EPAS1: variants seen among roughly 807,000 people sequenced by gnomAD.
EPAS1 encodes the protein endothelial PAS domain protein 1, also known as endothelial PAS domain-containing protein 1.
EPAS1 carries 23 observed loss-of-function variants against 87.9 expected under a neutral mutation model. That is an observed-to-expected ratio of 0.26 (90% CI 0.19 to 0.37). The LOEUF is 0.37. EPAS1 is among the 10% of genes least tolerant of loss of function. EPAS1 has a pLI of 1.00. For synonymous variants in EPAS1, 508 were observed against 444.3 expected (o/e 1.14, Z -1.80); for missense variants, 1,138 against 1,120.7 (o/e 1.02, Z -0.22).
chr2:46,356,050 C>G (rs1684262902), intron 2 of EPAS1, 101 bp from the exon 3 acceptor site: 2 of 1,332,024 alleles, frequency 1.5e-6, no homozygotes, highest in East Asian at 2.3e-5. Flanking sequence ...AAAAGTCCAC[C>G]CAATGCCTTT....
chr2:46,317,879 G>A (rs1253221236), intron 1 of EPAS1, among the ~76,000 whole-genome samples: 1 of 152,122 alleles, frequency 6.6e-6, no homozygotes, highest in African/African-American at 2.4e-5. Flanking sequence ...TAAATGTGAC[G>A]AACCAACCTC....
At chr2:46,349,989 CTG>C (rs1684116845) in intron 2 of EPAS1, among the ~76,000 whole-genome samples, 2 of 152,188 alleles carry the variant, frequency 1.3e-5, no homozygotes, top group African/African-American at 4.8e-5. Context: ...GGTGCTTACC[CTG>C]CAATGTTATT....
intron 1 of EPAS1, among the ~76,000 whole-genome samples, chr2:46,337,484 C>G (rs556433069): frequency 1.3e-5 from 2 of 152,340 alleles, no homozygotes; most frequent in South Asian, 2.1e-4. Flanking sequence ...CTGCTCCCCA[C>G]TTGCCCCACG....
chr2:46,318,325 T>C (rs1381885639), intron 1 of EPAS1, among the ~76,000 whole-genome samples: 1 of 152,134 alleles, frequency 6.6e-6, no homozygotes, highest in Non-Finnish European at 1.5e-5. Context: ...ACATCAAAGA[T>C]CACTGATCGC....
In EPAS1 at chr2:46,382,616, C is replaced by G; in HGVS notation, c.2461+18C>G. The G allele has an allele frequency of 6.2e-7, 1 of 1,613,940 alleles. No individual in the cohort carries two copies. On this transcript the variant is annotated intron_variant, in intron 15 of 15. Transcript: ENST00000263734. The stretch of plus-strand genomic sequence containing the variant: ...GGTGTCAGGTGGGTGTGCCCAGGAT[C>G]TGTCACCCCCATCCCAGGATTCGAT...
intron 15 of EPAS1, among the ~76,000 whole-genome samples, chr2:46,384,006 C>A (rs1408363689): frequency 6.6e-6 from 1 of 151,824 alleles, no homozygotes; most frequent in African/African-American, 2.4e-5. Context: ...CTGCGAGTGT[C>A]CCCCCTGCCA....
At position 46,379,972 on chromosome 2, in the gene EPAS1, G is replaced by A. The variant is rs191336027; in HGVS notation, c.1555-255G>A. The A allele has an allele frequency of 3.1e-3, 1,820 of 591,180 alleles. 4 individuals carry two copies. Among genetic ancestry groups the A allele is most frequent in the Non-Finnish European group, 4.1e-3 (1,359 of 329,514 alleles). The allele number at this position is 591,180 out of a possible 1,614,324, so 36.6% of individuals were successfully genotyped here. A position where few individuals can be genotyped will look rare whatever the true frequency, so the allele number is the denominator to read the frequency against. ...GGGCTCCGGACAGGTGGGATGGGGA[G>A]AGGAGAACATTTCTCAATGTGCAGG... On this transcript the variant is annotated intron_variant, in intron 11 of 15. Transcript: ENST00000263734.
At chr2:46,373,183 T>A (rs1427459015) in intron 7 of EPAS1, among the ~76,000 whole-genome samples, 1 of 152,194 alleles carries the variant, frequency 6.6e-6, no homozygotes, top group Non-Finnish European at 1.5e-5. Flanking sequence ...GGGTTTTGTT[T>A]AAAAGATTAG....
chr2:46,376,877 T>C (rs756674019), intron 9 of EPAS1, 124 bp downstream of exon 9: 28 of 989,992 alleles, frequency 2.8e-5, no homozygotes, highest in Non-Finnish European at 3.8e-5. Flanking sequence ...CCCCCAAGTC[T>C]TGTTAATCAC....
intron 1 of EPAS1, among the ~76,000 whole-genome samples, chr2:46,333,465 G>T (rs1558591187): frequency 7.3e-6 from 1 of 136,544 alleles, no homozygotes; most frequent in South Asian, 2.4e-4. Flanking sequence ...GCTCAGAAAA[G>T]CCTCTGTGGA....
At chr2:46,302,118 C>CTGTGTGTG (rs35880089) in intron 1 of EPAS1, among the ~76,000 whole-genome samples, 30 of 127,636 alleles carry the variant, frequency 2.4e-4, no homozygotes, top group Middle Eastern at 3.7e-3. Flanking sequence ...CTCTTTCTCT[C>CTGTGTGTG]TGTGTGTGTG....
In EPAS1 at chr2:46,360,547, A is replaced by T; in HGVS notation, c.455-91A>T. 1 of 1,105,076 alleles carries T rather than the reference A, an allele frequency of 9.0e-7. No homozygotes were observed. The highest frequency in any genetic ancestry group is 1.4e-6 in the Non-Finnish European group (1 of 716,716). 68.5% of individuals were successfully genotyped at this position (1,105,076 alleles called of 1,614,324 possible). A position where few individuals can be genotyped will look rare whatever the true frequency, so the allele number is the denominator to read the frequency against. On this transcript the variant is annotated intron_variant, in intron 4 of 15. Coordinates refer to ENST00000263734, the MANE Select transcript of EPAS1 (RefSeq NM_001430.5). The surrounding 1 kb of genome is among the most constrained non-coding windows in gnomAD (Gnocchi z 4.5). ...CAGATATTTGGAAAATATAAACAAT[A>T]GGCTGCCAAGAAAAACTGCAGCTGG... is the stretch of plus-strand genomic sequence containing the variant.
chr2:46,342,103 A>G lies in EPAS1; in HGVS notation c.27-4770A>G, dbSNP rs116422258. On this transcript the variant is annotated intron_variant, in intron 1 of 15. Transcript: ENST00000263734. ...ACTCCCATTGCCCAGCCTGCACCTG[A>G]GACCTATTAAATCTGAATCTCTGGG... Among the ~76,000 whole-genome samples, 677 of 152,248 alleles carry G rather than the reference A, an allele frequency of 4.4e-3. 4 individuals are homozygous for G. Among genetic ancestry groups the G allele is most frequent in the African/African-American group, 0.016 (654 of 41,532 alleles).
At chr2:46,377,747 G>T in intron 9 of EPAS1, 147 bp from the exon 10 acceptor site, 3 of 1,322,888 alleles carry the variant, frequency 2.3e-6, no homozygotes, top group Non-Finnish European at 3.2e-6. Context: ...ATGTGTTCCA[G>T]CTGAGCCCCA....
chr2:46,336,058 G>A (rs555970071), intron 1 of EPAS1, among the ~76,000 whole-genome samples: 11 of 152,314 alleles, frequency 7.2e-5, no homozygotes, highest in South Asian at 2.1e-4. Context: ...TGCAGAGAGC[G>A]AAATAAAATC....
intron 11 of EPAS1, chr2:46,379,925 C>T (rs560182998): frequency 4.4e-5 from 21 of 480,980 alleles, no homozygotes; most frequent in Admixed American, 3.9e-4. Flanking sequence ...AGAGGGGCTG[C>T]CTCGGCTTCA....
chr2:46,336,935 A>G (rs963697388), intron 1 of EPAS1, among the ~76,000 whole-genome samples: 5 of 152,214 alleles, frequency 3.3e-5, no homozygotes, highest in Admixed American at 3.3e-4. Flanking sequence ...CCCAGATTTG[A>G]TTCACAGAGG....
At chr2:46,369,791 CTT>C in intron 6 of EPAS1, 34 bp from the exon 7 acceptor site, 1 of 1,530,180 alleles carries the variant, frequency 6.5e-7, no homozygotes, top group Non-Finnish European at 9.0e-7. Context: ...TTAATATGGT[CTT>C]TCTTCCTTAC....
At chr2:46,315,130 GGTT>G (rs1271946776) in intron 1 of EPAS1, among the ~76,000 whole-genome samples, 2 of 152,218 alleles carry the variant, frequency 1.3e-5, no homozygotes, top group East Asian at 3.8e-4. Flanking sequence ...CAAAAGAAGA[GGTT>G]GTGGCCACTG....
Sources: allele counts gnomAD v4.1 joint callset (sites outside exome capture counted in the v4.1 genomes callset), GRCh38; gene constraint gnomAD v4.1.1; non-coding constraint Gnocchi (gnomAD v3.1); transcripts MANE v1.5; gene names NCBI Gene and HGNC (gene_info 2026-07-23, HGNC 2026-07-21).